UBE3A: variants seen among roughly 807,000 people sequenced by gnomAD.
UBE3A encodes the protein ubiquitin protein ligase E3A.
UBE3A carries 6 observed loss-of-function variants against 83.4 expected under a neutral mutation model. That is an observed-to-expected ratio of 0.07 (90% CI 0.04 to 0.14). The LOEUF is 0.14. Ranked by LOEUF, UBE3A falls within the 10% of genes least tolerant of loss-of-function variation. The probability of loss-of-function intolerance (pLI) is 1.00; values close to 1 mark genes in which losing one functional copy is unlikely to be tolerated. For synonymous variants in UBE3A, 337 were observed against 355.4 expected, an observed-to-expected ratio of 0.95 and a Z score of 0.58; for missense variants, 456 against 1,036.1, an observed-to-expected ratio of 0.44 and a Z score of 7.69.
chr15:25,386,582 T>C (rs1443610918), intron 4 of UBE3A, among the ~76,000 whole-genome samples: 1 of 152,138 alleles, frequency 6.6e-6, no homozygotes, highest in Non-Finnish European at 1.5e-5. Context: ...ATGGGCTTAT[T>C]AGTAGGCTGG....
chr15:25,432,289 AATTT>A (rs1893705370), intron 1 of UBE3A, among the ~76,000 whole-genome samples: 2 of 152,208 alleles, frequency 1.3e-5, no homozygotes, highest in Non-Finnish European at 2.9e-5. Context: ...AAAGTTTCAG[AATTT>A]ATTCTGCATC....
chr15:25,361,327 C>G (rs185415805), intron 6 of UBE3A, among the ~76,000 whole-genome samples: 1 of 151,876 alleles, frequency 6.6e-6, no homozygotes, highest in African/African-American at 2.4e-5. Context: ...GGTTTCACTA[C>G]GTTTGCCAGG....
chr15:25,354,486 A>G, intron 10 of UBE3A, 42 bp downstream of exon 10: 2 of 1,613,786 alleles, frequency 1.2e-6, no homozygotes, highest in Non-Finnish European at 1.7e-6. Flanking sequence ...ATTACAAACA[A>G]TAAATCGATA....
At chr15:25,383,563 C>T (rs1488596700) in intron 4 of UBE3A, among the ~76,000 whole-genome samples, 3 of 151,986 alleles carry the variant, frequency 2.0e-5, no homozygotes, top group East Asian at 1.9e-4. Flanking sequence ...CTTGAGAACC[C>T]GGGAGGCGGA....
At chr15:25,352,656 G>A (rs1432494615) in intron 11 of UBE3A, among the ~76,000 whole-genome samples, 1 of 152,170 alleles carries the variant, frequency 6.6e-6, no homozygotes, top group Non-Finnish European at 1.5e-5. Context: ...AGTGAGATAC[G>A]CCTGTAATGT....
chr15:25,343,177 A>T (rs1202417860), intron 11 of UBE3A, among the ~76,000 whole-genome samples: 1 of 152,194 alleles, frequency 6.6e-6, no homozygotes, highest in Non-Finnish European at 1.5e-5. Context: ...GAAAAAAGTA[A>T]CATCTGTTAT....
intron 1 of UBE3A, among the ~76,000 whole-genome samples, chr15:25,423,203 AAAAC>A (rs1463162211): frequency 2.6e-5 from 4 of 152,182 alleles, no homozygotes; most frequent in Admixed American, 2.0e-4. Flanking sequence ...ACAAATTTAA[AAAAC>A]AAACACCACA....
chr15:25,430,163 GATTAT>G (rs1448155821), intron 1 of UBE3A, among the ~76,000 whole-genome samples: 24 of 13,606 alleles, frequency 1.8e-3, no homozygotes, highest in Admixed American at 2.9e-3. Flanking sequence ...ATATATATAA[GATTAT>G]ATATATATTA....
intron 7 of UBE3A, among the ~76,000 whole-genome samples, chr15:25,358,122 G>C (rs1285081603): frequency 6.6e-6 from 1 of 152,000 alleles, no homozygotes; most frequent in Admixed American, 6.6e-5. Context: ...TGTAATCCCA[G>C]CACTTTGGGG....
chr15:25,436,921 A>C (rs148410647), intron 1 of UBE3A, among the ~76,000 whole-genome samples: 2 of 152,282 alleles, frequency 1.3e-5, no homozygotes, highest in East Asian at 3.9e-4. Context: ...TAGCAAACTA[A>C]TGCAGGTTAA....
intron 1 of UBE3A, among the ~76,000 whole-genome samples, chr15:25,423,219 T>C (rs914701758): frequency 6.6e-6 from 1 of 151,962 alleles, no homozygotes; most frequent in Non-Finnish European, 1.5e-5. Flanking sequence ...AACACCACAA[T>C]AGAAATGGAC....
chr15:25,384,748 C>A (rs2082809844), intron 4 of UBE3A, among the ~76,000 whole-genome samples: 1 of 152,114 alleles, frequency 6.6e-6, no homozygotes, highest in African/African-American at 2.4e-5. Flanking sequence ...GCCTCACATT[C>A]CCTGATTTCT....
In UBE3A at chr15:25,371,523, T is replaced by C. The variant is rs2152822872; in HGVS notation, c.651A>G (p.Gly217=). The C allele has an allele frequency of 6.2e-7, 1 of 1,614,168 alleles. No homozygotes were observed. The highest frequency in any genetic ancestry group is 2.2e-5 in the East Asian group (1 of 44,876). The change falls in exon 6 of 13, where the codon GGA becomes GGG. Residue 217 remains glycine, a synonymous_variant. Transcript: ENST00000648336. This position sits in a 1 kb window ranked among gnomAD's most constrained non-coding sequence, Gnocchi z 5.3. ...GGCCTAATTTTTGCAAATTGTTGTC[T>C]CCCTGTGAGCTATCACCTATCCTTG... is the stretch of plus-strand genomic sequence containing the variant. ...SSSRIGDSSQ[G]DNNLQKLGPD...
intron 1 of UBE3A, chr15:25,419,566 C>T (rs990736874): frequency 6.6e-6 from 1 of 151,632 alleles, no homozygotes; most frequent in Non-Finnish European, 1.5e-5. Context: ...CTTGGATCTA[C>T]AAAAAGGAAT....
At chr15:25,411,110 A>G (rs541529402) in intron 2 of UBE3A, among the ~76,000 whole-genome samples, 10 of 152,212 alleles carry the variant, frequency 6.6e-5, no homozygotes, top group Non-Finnish European at 1.5e-4. Context: ...AAAAGGCTCC[A>G]AGGCCAGGCT....
chr15:25,419,542 A>G (rs1888683775), intron 1 of UBE3A: 1 of 152,126 alleles, frequency 6.6e-6, no homozygotes, highest in South Asian at 2.1e-4. Context: ...AAGGAAAATA[A>G]CACCAGCAAC....
At chr15:25,403,252 CT>C (rs1425440042) in intron 4 of UBE3A, among the ~76,000 whole-genome samples, 1 of 152,234 alleles carries the variant, frequency 6.6e-6, no homozygotes, top group Non-Finnish European at 1.5e-5. Context: ...AGACTCTCAA[CT>C]TCTGATCCAC....
chr15:25,389,656 G>A (rs1055506895), intron 4 of UBE3A, among the ~76,000 whole-genome samples: 6 of 152,194 alleles, frequency 3.9e-5, no homozygotes, highest in Admixed American at 6.5e-5. Context: ...GGGAGGCCAA[G>A]GTGGGTGGAT....
chr15:25,346,871 GT>G (rs1382932608), intron 11 of UBE3A: 2 of 152,110 alleles, frequency 1.3e-5, no homozygotes, highest in African/African-American at 4.8e-5. Flanking sequence ...CTCAACATTT[GT>G]ATCATTAGAG....
Sources: gnomAD v4.1 joint callset for allele counts (sites outside exome capture counted in the v4.1 genomes callset) on GRCh38, gnomAD v4.1.1 for gene constraint, Gnocchi (gnomAD v3.1) non-coding constraint, MANE v1.5 for transcripts, NCBI Gene and HGNC (gene_info 2026-07-23, HGNC 2026-07-21) for gene names.